XRRA1: variants seen among roughly 807,000 people sequenced by gnomAD.
XRRA1 encodes the protein X-ray radiation resistance associated 1, also known as X-ray radiation resistance-associated protein 1.
Under a neutral mutation model 80.2 loss-of-function variants are expected in XRRA1, and 69 were observed. That is an observed-to-expected ratio of 0.86 (90% confidence interval 0.71 to 1.05). The LOEUF (loss-of-function observed/expected upper bound fraction) is 1.05, where lower values mean the gene tolerates loss of function less well. XRRA1 is among the 50% of genes least tolerant of loss of function. XRRA1 has a pLI of 0.00. For synonymous variants in XRRA1, 348 were observed against 389.9 expected (o/e 0.89, Z 1.27); for missense variants, 967 against 976.4 (o/e 0.99, Z 0.13).
At position 74,940,884 on chromosome 11, in the gene XRRA1, T is replaced by C; in HGVS notation, c.-4-2A>G. ...TAGATTCCTGAGAAGGCCATCTCCC[T>C]GAGAGCCAGGCAAGGAAAGCAAGGA... On this transcript the variant is annotated splice_acceptor_variant, in intron 2 of 18. Coordinates refer to ENST00000684022, the MANE Select transcript of XRRA1 (RefSeq NM_001378157.1). LOFTEE classifies it low-confidence loss of function (5UTR_SPLICE). 6.2e-7 allele frequency: 1 copy of C among 1,603,174 alleles called. No homozygotes were observed. Among genetic ancestry groups the C allele is most frequent in the Non-Finnish European group, 8.5e-7 (1 of 1,174,514 alleles).
At chr11:74,935,974 A>G (rs1228681501) in intron 4 of XRRA1, among the ~76,000 whole-genome samples, 3 of 152,208 alleles carry the variant, frequency 2.0e-5, no homozygotes, top group African/African-American at 7.2e-5. Flanking sequence ...AGTGGACCTA[A>G]TAATGAAACT....
At chr11:74,939,345 C>T (rs908260862) in intron 3 of XRRA1, among the ~76,000 whole-genome samples, 1 of 151,986 alleles carries the variant, frequency 6.6e-6, no homozygotes, top group Non-Finnish European at 1.5e-5. Flanking sequence ...GAGAGAGACT[C>T]CATCTCAAAA....
intron 12 of XRRA1, among the ~76,000 whole-genome samples, chr11:74,853,504 T>TC (rs926968525): frequency 2.0e-5 from 3 of 152,006 alleles, no homozygotes; most frequent in African/African-American, 7.3e-5. Context: ...TTTACCACAG[T>TC]CCCCCTGCTT....
chr11:74,846,908 GAAAA>G (rs976744311), intron 15 of XRRA1, among the ~76,000 whole-genome samples: 1 of 145,364 alleles, frequency 6.9e-6, no homozygotes, highest in African/African-American at 2.5e-5. Context: ...AATTAGGCCA[GAAAA>G]AAAAAGATTT....
chr11:74,926,431 C>T (rs1942246368), intron 7 of XRRA1, among the ~76,000 whole-genome samples: 1 of 152,092 alleles, frequency 6.6e-6, no homozygotes, highest in Non-Finnish European at 1.5e-5. Context: ...TGGGGTTGAC[C>T]TCAAGGTTCA....
At chr11:74,913,750 C>G (rs2056381538) in intron 8 of XRRA1, 1 of 152,102 alleles carries the variant, frequency 6.6e-6, no homozygotes, top group Non-Finnish European at 1.5e-5. Flanking sequence ...CCCTAGATGC[C>G]TTAGTAAGAT....
At chr11:74,900,358 G>A (rs971050825) in intron 10 of XRRA1, among the ~76,000 whole-genome samples, 6 of 151,968 alleles carry the variant, frequency 3.9e-5, no homozygotes, top group Non-Finnish European at 7.4e-5. Context: ...CAAGGTGGGC[G>A]GATCACCTGA....
At chr11:74,904,411 G>C (rs534062240) in intron 10 of XRRA1, among the ~76,000 whole-genome samples, 1 of 151,764 alleles carries the variant, frequency 6.6e-6, no homozygotes, top group South Asian at 2.1e-4. Flanking sequence ...GTTTGAGCAC[G>C]ATCGTGTAAC....
At chr11:74,851,955 G>C in intron 13 of XRRA1, 34 bp downstream of exon 13, 1 of 1,582,118 alleles carries the variant, frequency 6.3e-7, no homozygotes, top group East Asian at 2.2e-5. Context: ...CTTGGGCACT[G>C]GGTTGAGAGG....
chr11:74,843,015 C>G lies in XRRA1; in HGVS notation c.*185G>C. The G allele has an allele frequency of 1.3e-6, 1 of 762,400 alleles. No individual in the cohort carries two copies. Among genetic ancestry groups the G allele is most frequent in the South Asian group, 1.9e-5 (1 of 51,502 alleles). 47.2% of individuals were successfully genotyped at this position (762,400 alleles called of 1,614,324 possible). A position where few individuals can be genotyped will look rare whatever the true frequency, so the allele number is the denominator to read the frequency against. The stretch of plus-strand genomic sequence containing the variant: ...ATTGCCGCTGGGCCAGGCACCAGGT[C>G]ATGCCTGGGCCAAGGAGGGGAGATC... On this transcript the variant is annotated 3_prime_UTR_variant, in exon 19 of 19. Coordinates refer to ENST00000684022, the MANE Select transcript of XRRA1 (RefSeq NM_001378157.1).
At position 74,890,832 on chromosome 11, in the gene XRRA1, A is replaced by G. The variant is rs533127340; in HGVS notation, c.1003+15407T>C. Among the ~76,000 whole-genome samples the G allele has an allele frequency of 6.9e-3, 1,051 of 152,246 alleles. 14 individuals carry two copies. Among genetic ancestry groups the G allele is most frequent in the African/African-American group, 0.024 (977 of 41,546 alleles). ...AATGGATAAATTCCTCAACACATAC[A>G]CCCTCCCAAGGCTAAACCAGGAAGA... is the stretch of plus-strand genomic sequence containing the variant. On this transcript the variant is annotated intron_variant, in intron 10 of 18. Transcript: ENST00000684022.
intron 7 of XRRA1, among the ~76,000 whole-genome samples, chr11:74,925,834 T>C (rs749862297): frequency 1.3e-5 from 2 of 152,154 alleles, no homozygotes; most frequent in African/African-American, 4.8e-5. Context: ...GAAGACAAGA[T>C]GCATGGTACA....
intron 10 of XRRA1, among the ~76,000 whole-genome samples, chr11:74,882,544 T>G (rs2047918588): frequency 6.6e-6 from 1 of 152,204 alleles, no homozygotes; most frequent in Admixed American, 6.5e-5. Context: ...TTTGTTCCGT[T>G]GCTGGTGAGG....
chr11:74,890,159 C>T (rs774849203), intron 10 of XRRA1, among the ~76,000 whole-genome samples: 9 of 152,216 alleles, frequency 5.9e-5, no homozygotes, highest in Non-Finnish European at 1.3e-4. Flanking sequence ...AAGTAAAGCA[C>T]TCATCAGCAA....
At chr11:74,919,769 T>C (rs751658711) in intron 8 of XRRA1, 1 of 445,042 alleles carries the variant, frequency 2.2e-6, no homozygotes, top group Non-Finnish European at 4.4e-6. Context: ...GAACTCTAGA[T>C]GTGCACAACT....
At chr11:74,904,047 CTG>C (rs927267006) in intron 10 of XRRA1, among the ~76,000 whole-genome samples, 5 of 152,090 alleles carry the variant, frequency 3.3e-5, no homozygotes, top group Non-Finnish European at 5.9e-5. Context: ...ACAGAAGTCT[CTG>C]CTCCTAAGTT....
intron 6 of XRRA1, among the ~76,000 whole-genome samples, chr11:74,928,864 G>A (rs1270054921): frequency 2.0e-5 from 3 of 151,872 alleles, no homozygotes; most frequent in Non-Finnish European, 4.4e-5. Context: ...CCTCCAAGAT[G>A]CTACACCAAT....
At chr11:74,847,029 A>G (rs1019558348) in intron 15 of XRRA1, among the ~76,000 whole-genome samples, 3 of 152,034 alleles carry the variant, frequency 2.0e-5, no homozygotes, top group Admixed American at 1.3e-4. Context: ...TAATAGCAGC[A>G]GTGCATGATG....
chr11:74,864,515 G>A (rs1456178047), intron 10 of XRRA1, among the ~76,000 whole-genome samples: 1 of 152,178 alleles, frequency 6.6e-6, no homozygotes, highest in Non-Finnish European at 1.5e-5. Flanking sequence ...TGTTTTGAGG[G>A]TACAGACCAA....
Sources: allele counts gnomAD v4.1 joint callset (sites outside exome capture counted in the v4.1 genomes callset), GRCh38; gene constraint gnomAD v4.1.1; transcripts MANE v1.5; gene names NCBI Gene and HGNC (gene_info 2026-07-23, HGNC 2026-07-21).